Variants in SLC14A2 observed in about 807,000 individuals in gnomAD.
SLC14A2 encodes urea transporter 2.
In SLC14A2, 91 loss-of-function variants were observed where a neutral mutation model predicts 104.6. The ratio of observed to expected loss-of-function variants is 0.87; its 90% confidence interval spans 0.73 to 1.04. The LOEUF is 1.04. SLC14A2 is among the 50% of genes least tolerant of loss of function. SLC14A2 has a pLI of 0.00. For synonymous variants in SLC14A2, 476 were observed against 466.4 expected, an observed-to-expected ratio of 1.02 and a Z score of -0.27; for missense variants, 1,189 against 1,156.0, an observed-to-expected ratio of 1.03 and a Z score of -0.41.
At chr18:45,192,094 A>T in the SLC14A2 span, among the ~76,000 whole-genome samples, 110 of 152,296 alleles carry the variant, frequency 7.2e-4, 1 homozygote, top group Non-Finnish European at 1.3e-3. Context: ...ACTGTGCTTC[A>T]TTGAACCCCT....
At chr18:45,468,232 G>T (rs1415718708) in intron 1 of SLC14A2, among the ~76,000 whole-genome samples, 3 of 152,076 alleles carry the variant, frequency 2.0e-5, no homozygotes, top group Non-Finnish European at 4.4e-5. Context: ...GGAAACTCAG[G>T]CAAAGAGAAC....
chr18:45,568,896 T>C (rs566000535), intron 2 of SLC14A2, among the ~76,000 whole-genome samples: 1 of 152,200 alleles, frequency 6.6e-6, no homozygotes, highest in Non-Finnish European at 1.5e-5. Flanking sequence ...TATGGATAGT[T>C]ATGTTTTGGA....
In SLC14A2 at chr18:45,644,138, TGAA is replaced by T; in HGVS notation, c.1335_1337del (p.Glu446del). 2 of 1,614,156 alleles carry T rather than the reference TGAA, an allele frequency of 1.2e-6. No homozygotes were observed. The highest frequency in any genetic ancestry group is 1.7e-6 in the Non-Finnish European group (2 of 1,180,018). Reference sequence around the variant, plus strand: ...TCTACTACCTGACAGTGAAAAGCGGTGAAGAAGAGAAGGCCCCCAGCGGTGAAT... The same window carrying T: ...TCTACTACCTGACAGTGAAAAGCGGTGAAGAGAAGGCCCCCAGCGGTGAAT... On this transcript the variant is annotated inframe_deletion, in exon 10 of 20. Coordinates refer to ENST00000255226, the MANE Select transcript of SLC14A2 (RefSeq NM_007163.4).
At chr18:45,641,769 C>T (rs955389965) in intron 8 of SLC14A2, among the ~76,000 whole-genome samples, 1 of 152,182 alleles carries the variant, frequency 6.6e-6, no homozygotes, top group Non-Finnish European at 1.5e-5. Context: ...CAAATAATTA[C>T]TAAGGCTGCA....
chr18:45,578,433 T>C (rs2044443748), intron 2 of SLC14A2, among the ~76,000 whole-genome samples: 1 of 152,164 alleles, frequency 6.6e-6, no homozygotes, highest in Admixed American at 6.5e-5. Flanking sequence ...AGCTACTCCA[T>C]GTATATTTTG....
the SLC14A2 span, among the ~76,000 whole-genome samples, chr18:45,201,778 T>C: frequency 1.3e-5 from 2 of 152,130 alleles, no homozygotes; most frequent in African/African-American, 4.8e-5. Flanking sequence ...TATGAAAGAT[T>C]TGGTACTTTT....
At chr18:45,232,455 G>A (rs1207743373) in intron 1 of SLC14A2, among the ~76,000 whole-genome samples, 2 of 152,068 alleles carry the variant, frequency 1.3e-5, no homozygotes, top group African/African-American at 2.4e-5. Flanking sequence ...ATTTCAGTGG[G>A]GACACAGAGA....
intron 1 of SLC14A2, among the ~76,000 whole-genome samples, chr18:45,331,311 C>A (rs898713426): frequency 6.6e-6 from 1 of 152,194 alleles, no homozygotes; most frequent in Non-Finnish European, 1.5e-5. Flanking sequence ...TTTTGACAAG[C>A]AGCATGGAGC....
intron 1 of SLC14A2, among the ~76,000 whole-genome samples, chr18:45,362,413 T>G (rs1270069037): frequency 6.6e-6 from 1 of 152,196 alleles, no homozygotes; most frequent in East Asian, 1.9e-4. Flanking sequence ...TTCCAAACTT[T>G]TCCATAAATG....
chr18:45,337,332 G>A (rs543534480), intron 1 of SLC14A2, among the ~76,000 whole-genome samples: 94 of 152,312 alleles, frequency 6.2e-4, no homozygotes, highest in South Asian at 4.8e-3. Context: ...GTAAAAGGTA[G>A]AAGAGGGATA....
intron 1 of SLC14A2, among the ~76,000 whole-genome samples, chr18:45,395,538 A>AT (rs1306131446): frequency 6.6e-6 from 1 of 152,206 alleles, no homozygotes; most frequent in Admixed American, 6.5e-5. Flanking sequence ...AAGAAGGTAG[A>AT]TTTTTTAATA....
chr18:45,449,622 C>T (rs2086826810), intron 1 of SLC14A2, among the ~76,000 whole-genome samples: 1 of 152,188 alleles, frequency 6.6e-6, no homozygotes, highest in South Asian at 2.1e-4. Context: ...TGCCTGCTTG[C>T]TTCACTCACT....
chr18:45,253,362 C>A (rs570096106), intron 1 of SLC14A2, among the ~76,000 whole-genome samples: 17 of 152,192 alleles, frequency 1.1e-4, no homozygotes, highest in African/African-American at 3.9e-4. Flanking sequence ...GGAATGCAGA[C>A]CAAGAAGCAG....
At chr18:45,175,324 A>T in the SLC14A2 span, among the ~76,000 whole-genome samples, 1 of 152,152 alleles carries the variant, frequency 6.6e-6, no homozygotes, top group East Asian at 1.9e-4. Context: ...TACTAATTTA[A>T]AAAGCTCCCC....
At chr18:45,421,722 C>G (rs899750175) in intron 1 of SLC14A2, among the ~76,000 whole-genome samples, 44 of 152,162 alleles carry the variant, frequency 2.9e-4, no homozygotes, top group African/African-American at 1.0e-3. Flanking sequence ...CCACAATGCT[C>G]TCCTCACCAA....
chr18:45,616,689 G>A (rs1440266120), intron 1 of SLC14A2, among the ~76,000 whole-genome samples: 1 of 152,176 alleles, frequency 6.6e-6, no homozygotes, highest in East Asian at 1.9e-4. Flanking sequence ...AGGAGAACTC[G>A]ATGGCTGAAT....
chr18:45,263,714 G>C (rs1347901147), intron 1 of SLC14A2, among the ~76,000 whole-genome samples: 2 of 152,116 alleles, frequency 1.3e-5, no homozygotes, highest in African/African-American at 4.8e-5. Flanking sequence ...ATTGTATTCT[G>C]CTGTTACAGA....
intron 1 of SLC14A2, among the ~76,000 whole-genome samples, chr18:45,312,450 A>G (rs984353746): frequency 6.6e-6 from 1 of 152,116 alleles, no homozygotes; most frequent in Admixed American, 6.5e-5. Flanking sequence ...GATGCTAATT[A>G]CTGGGTATTG....
chr18:45,630,702 T>C (rs1483768606), intron 4 of SLC14A2, among the ~76,000 whole-genome samples: 1 of 152,156 alleles, frequency 6.6e-6, no homozygotes, highest in Non-Finnish European at 1.5e-5. Flanking sequence ...ACAAACACAC[T>C]AAAAATAATG....
Sources: allele counts gnomAD v4.1 joint callset (sites outside exome capture counted in the v4.1 genomes callset), GRCh38; gene constraint gnomAD v4.1.1; transcripts MANE v1.5; gene names NCBI Gene and HGNC (gene_info 2026-07-23, HGNC 2026-07-21).